ARHGEF3: variants seen among roughly 807,000 people sequenced by gnomAD.
The protein encoded by ARHGEF3 is Rho guanine nucleotide exchange factor 3, also known as 59.8 kDA protein.
In ARHGEF3, 28 loss-of-function variants were observed where a neutral mutation model predicts 63.2. The ratio of observed to expected loss-of-function variants is 0.44; its 90% CI spans 0.33 to 0.61. The LOEUF (loss-of-function observed/expected upper bound fraction) is 0.61, where lower values mean the gene tolerates loss of function less well. Among genes scored for constraint, ARHGEF3 ranks in the 20% least tolerant of loss-of-function variants. ARHGEF3 has a pLI of 0.03. For missense variants in ARHGEF3, 533 were observed against 659.3 expected, an observed-to-expected ratio of 0.81 and a Z score of 2.10; for synonymous variants, 266 against 254.2, an observed-to-expected ratio of 1.05 and a Z score of -0.44.
At chr3:56,956,224 T>G (rs921635995) in intron 3 of ARHGEF3, among the ~76,000 whole-genome samples, 41 of 119,606 alleles carry the variant, frequency 3.4e-4, no homozygotes, top group Non-Finnish European at 4.9e-4. Context: ...GGTGTTTTTT[T>G]TTTTTTTGTT....
chr3:56,965,940 G>A (rs114939697), intron 2 of ARHGEF3, among the ~76,000 whole-genome samples: 13,133 of 151,814 alleles, frequency 0.087, 700 homozygotes, highest in Non-Finnish European at 0.12. Flanking sequence ...GAGCCACTGC[G>A]CCTGGCCACT....
chr3:56,730,156 G>C (rs949724805), intron 9 of ARHGEF3, among the ~76,000 whole-genome samples: 1 of 152,110 alleles, frequency 6.6e-6, no homozygotes. Context: ...ATTTCAACAA[G>C]TACACCAAGC....
At chr3:57,020,363 A>G (rs986762549) in intron 2 of ARHGEF3, among the ~76,000 whole-genome samples, 4 of 152,174 alleles carry the variant, frequency 2.6e-5, no homozygotes, top group African/African-American at 9.7e-5. Flanking sequence ...CCCAGATGGC[A>G]TGAACATCTG....
chr3:56,962,875 C>A (rs907697664), intron 2 of ARHGEF3, among the ~76,000 whole-genome samples: 1 of 152,166 alleles, frequency 6.6e-6, no homozygotes, highest in Non-Finnish European at 1.5e-5. Context: ...AGGGTTAGTG[C>A]AGAATTTATT....
intron 4 of ARHGEF3, among the ~76,000 whole-genome samples, chr3:56,864,291 C>A (rs1230216811): frequency 2.0e-5 from 3 of 152,240 alleles, no homozygotes; most frequent in Non-Finnish European, 4.4e-5. Flanking sequence ...CACCTACCAG[C>A]TGCATTTGCC....
intron 3 of ARHGEF3, among the ~76,000 whole-genome samples, chr3:56,944,146 A>G (rs1699339765): frequency 6.6e-6 from 1 of 152,172 alleles, no homozygotes. Flanking sequence ...GCACTCCAGC[A>G]TGGATGACAG....
intron 1 of ARHGEF3, among the ~76,000 whole-genome samples, chr3:57,057,075 T>A (rs1704975084): frequency 6.6e-6 from 1 of 151,790 alleles, no homozygotes; most frequent in African/African-American, 2.4e-5. Context: ...CTGGGTAAAA[T>A]GGGGTCTACA....
At chr3:56,735,379 CTGTGCTTTTTTTCTG>C in intron 8 of ARHGEF3, among the ~76,000 whole-genome samples, 1 of 152,284 alleles carries the variant, frequency 6.6e-6, no homozygotes, top group Admixed American at 6.5e-5. Context: ...CCTTCAACTA[CTGTGCTTTTTTTCTG>C]ACCCAAGACT....
chr3:57,061,390 T>C (rs1369723081), intron 1 of ARHGEF3, among the ~76,000 whole-genome samples: 1 of 152,198 alleles, frequency 6.6e-6, no homozygotes, highest in Non-Finnish European at 1.5e-5. Context: ...CTCAAACTCC[T>C]GGGCTCAAGA....
At chr3:57,021,119 C>T (rs1241401989) in intron 2 of ARHGEF3, among the ~76,000 whole-genome samples, 1 of 152,178 alleles carries the variant, frequency 6.6e-6, no homozygotes, top group Non-Finnish European at 1.5e-5. Context: ...TAGCTCCATG[C>T]TTGAAAAGCA....
At chr3:56,872,944 C>T (rs1206959694) in intron 4 of ARHGEF3, among the ~76,000 whole-genome samples, 1 of 152,060 alleles carries the variant, frequency 6.6e-6, no homozygotes, top group African/African-American at 2.4e-5. Context: ...TTTTTTTGTG[C>T]TCACGATAGG....
chr3:56,763,240 T>G (rs2035521407), intron 2 of ARHGEF3, among the ~76,000 whole-genome samples: 1 of 152,164 alleles, frequency 6.6e-6, no homozygotes, highest in African/African-American at 2.4e-5. Flanking sequence ...ACAAGAGGCT[T>G]GGCCAAGTCC....
intron 4 of ARHGEF3, among the ~76,000 whole-genome samples, chr3:56,819,978 T>G (rs2108033227): frequency 6.6e-6 from 1 of 152,202 alleles, no homozygotes; most frequent in South Asian, 2.1e-4. Flanking sequence ...CCCAGCTAAT[T>G]TTTTTAGTTT....
intron 3 of ARHGEF3, among the ~76,000 whole-genome samples, chr3:56,920,661 A>G: frequency 6.6e-6 from 1 of 152,316 alleles, no homozygotes. Flanking sequence ...AAAATCTTAC[A>G]GTTGGAAAGG....
chr3:56,930,052 C>G lies in ARHGEF3; in HGVS notation c.129+28771G>C, dbSNP rs571064977. Among the ~76,000 whole-genome samples the G allele has an allele frequency of 2.0e-5, 3 of 152,196 alleles. 1 individual carries two copies. The highest frequency in any genetic ancestry group is 4.1e-4 in the South Asian group (2 of 4,824). On this transcript the variant is annotated intron_variant, in intron 3 of 12. Transcript: ENST00000338458. ...AGTCTGGGTCAACTACCAGCCCCCCCCTCCCACCAGCTGTGGCTGGGATCC... is the reference window on the plus strand; with the variant it reads ...AGTCTGGGTCAACTACCAGCCCCCCGCTCCCACCAGCTGTGGCTGGGATCC...
chr3:56,809,973 T>C (rs2038007065), intron 4 of ARHGEF3, among the ~76,000 whole-genome samples: 1 of 152,136 alleles, frequency 6.6e-6, no homozygotes, highest in South Asian at 2.1e-4. Context: ...CCTCATGTCA[T>C]CCACCTGCCT....
At chr3:56,792,395 G>A (rs1368111544) in intron 1 of ARHGEF3, among the ~76,000 whole-genome samples, 1 of 152,138 alleles carries the variant, frequency 6.6e-6, no homozygotes, top group Non-Finnish European at 1.5e-5. Context: ...TGATGTCACT[G>A]ACCCCTGTGC....
At chr3:56,815,602 T>C (rs2038240354) in intron 4 of ARHGEF3, among the ~76,000 whole-genome samples, 1 of 152,126 alleles carries the variant, frequency 6.6e-6, no homozygotes. Flanking sequence ...AGAGGAAAGA[T>C]CAACTATGAG....
At chr3:56,905,660 C>T (rs1300432528) in intron 3 of ARHGEF3, among the ~76,000 whole-genome samples, 1 of 152,172 alleles carries the variant, frequency 6.6e-6, no homozygotes, top group Non-Finnish European at 1.5e-5. Flanking sequence ...CTCCATAAAG[C>T]CTGCTGTAAT....
Sources: gnomAD v4.1 joint callset for allele counts (sites outside exome capture counted in the v4.1 genomes callset) on GRCh38, gnomAD v4.1.1 for gene constraint, MANE v1.5 for transcripts, NCBI Gene and HGNC (gene_info 2026-07-23, HGNC 2026-07-21) for gene names.